Variants in ZNF652 observed in about 807,000 individuals in gnomAD.
ZNF652 encodes the protein zinc finger protein 652.
Under a neutral mutation model 45.2 loss-of-function variants are expected in ZNF652, and 16 were observed. That is an observed-to-expected ratio of 0.35 (90% CI 0.24 to 0.54). ZNF652 has a LOEUF of 0.54. ZNF652 is among the 20% of genes least tolerant of loss of function. The pLI, the probability that ZNF652 is intolerant of heterozygous loss-of-function variation, is 0.91. For synonymous variants in ZNF652, 250 were observed against 260.6 expected, an observed-to-expected ratio of 0.96 and a Z score of 0.39; for missense variants, 614 against 765.6, an observed-to-expected ratio of 0.80 and a Z score of 2.34.
chr17:49,297,527 T>C lies in ZNF652; in HGVS notation c.*886A>G, dbSNP rs1311685420. On this transcript the variant is annotated 3_prime_UTR_variant, in exon 6 of 6. Transcript: ENST00000430262. ...CACATTAGGGAGCCTCTCTTGAGTGTTAAGCAGAGATGTCAAAACTACCAA... is the reference window on the plus strand; with the variant it reads ...CACATTAGGGAGCCTCTCTTGAGTGCTAAGCAGAGATGTCAAAACTACCAA... 6.6e-6 allele frequency: 1 copy of C among 152,556 alleles called. No individual in the cohort carries two copies. Among genetic ancestry groups the C allele is most frequent in the African/African-American group, 2.4e-5 (1 of 41,438 alleles). The allele number at this position is 152,556 out of a possible 1,614,324, so 9.5% of individuals were successfully genotyped here.
At chr17:49,351,860 G>A (rs1216622910) in intron 1 of ZNF652, among the ~76,000 whole-genome samples, 5 of 152,108 alleles carry the variant, frequency 3.3e-5, no homozygotes, top group Non-Finnish European at 7.4e-5. Flanking sequence ...CATGGCACAT[G>A]TCTGTAAGCC....
chr17:49,295,027 T>G lies in ZNF652; in HGVS notation c.*3386A>C, dbSNP rs1023591052. 2 of 152,190 alleles carry G rather than the reference T, an allele frequency of 1.3e-5. No homozygotes were observed. The highest frequency in any genetic ancestry group is 1.3e-4 in the Admixed American group (2 of 15,274). The allele number at this position is 152,190 out of a possible 1,614,324, so 9.4% of individuals were successfully genotyped here. On this transcript the variant is annotated 3_prime_UTR_variant, in exon 6 of 6. Coordinates refer to ENST00000430262, the MANE Select transcript of ZNF652 (RefSeq NM_001145365.3). ...CAACCCTGAGTTTGAGTCTTAAGCA[T>G]GTTAAACGTGTTGCACATATATGTT...
intron 1 of ZNF652, among the ~76,000 whole-genome samples, chr17:49,339,853 C>T (rs1249273701): frequency 6.6e-6 from 1 of 152,222 alleles, no homozygotes; most frequent in African/African-American, 2.4e-5. Context: ...TCTGCCTCAG[C>T]CTCCCGAGTA....
intron 1 of ZNF652, among the ~76,000 whole-genome samples, chr17:49,351,829 G>A (rs2143106224): frequency 6.6e-6 from 1 of 152,040 alleles, no homozygotes; most frequent in South Asian, 2.1e-4. Flanking sequence ...ACAGGAAAAA[G>A]TACAAAAATT....
chr17:49,336,592 G>C (rs920418275), intron 1 of ZNF652, among the ~76,000 whole-genome samples: 2 of 151,306 alleles, frequency 1.3e-5, no homozygotes, highest in Admixed American at 6.6e-5. Context: ...GCCTCCCAAA[G>C]TGCTGGGATT....
At chr17:49,325,814 T>C (rs2069950449) in intron 1 of ZNF652, among the ~76,000 whole-genome samples, 1 of 152,144 alleles carries the variant, frequency 6.6e-6, no homozygotes, top group African/African-American at 2.4e-5. Flanking sequence ...ATGGTTAATT[T>C]TATTTTCTTT....
chr17:49,330,073 A>G (rs752947622), intron 1 of ZNF652, among the ~76,000 whole-genome samples: 3 of 152,218 alleles, frequency 2.0e-5, no homozygotes, highest in Admixed American at 6.5e-5. Context: ...ATAGGAGAAT[A>G]TAACTTGAAG....
At chr17:49,338,199 T>C (rs2143870988) in intron 1 of ZNF652, among the ~76,000 whole-genome samples, 1 of 151,788 alleles carries the variant, frequency 6.6e-6, no homozygotes, top group Non-Finnish European at 1.5e-5. Context: ...TCTGCCCATG[T>C]TGGTCTTAAA....
downstream of ZNF652, among the ~76,000 whole-genome samples, chr17:49,288,154 ACT>A (rs1383495090): frequency 5.9e-5 from 9 of 152,162 alleles, no homozygotes; most frequent in Middle Eastern, 3.4e-3. Flanking sequence ...ATATAAATAA[ACT>A]CATATATATA....
chr17:49,352,831 C>T (rs2070296271), intron 1 of ZNF652, among the ~76,000 whole-genome samples: 1 of 152,184 alleles, frequency 6.6e-6, no homozygotes, highest in Non-Finnish European at 1.5e-5. Context: ...AACCCAAATA[C>T]TTAGAAAAAT....
chr17:49,306,574 A>G (rs906471685), intron 5 of ZNF652, among the ~76,000 whole-genome samples: 2 of 152,188 alleles, frequency 1.3e-5, no homozygotes, highest in African/African-American at 2.4e-5. Flanking sequence ...GACGTGAGTC[A>G]CTGCACCTGG....
intron 5 of ZNF652, among the ~76,000 whole-genome samples, chr17:49,305,379 G>A (rs1251475628): frequency 1.3e-4 from 19 of 151,876 alleles, no homozygotes; most frequent in Middle Eastern, 3.4e-3. Flanking sequence ...CCTGGGAGGC[G>A]GAGGTTGCAG....
chr17:49,347,151 A>G (rs2070213265), intron 1 of ZNF652, among the ~76,000 whole-genome samples: 1 of 152,242 alleles, frequency 6.6e-6, no homozygotes, highest in Non-Finnish European at 1.5e-5. Flanking sequence ...TTTTGAAAAC[A>G]GATAAATGAA....
rs939747326 is a variant in ZNF652, at chr17:49,311,951, A to G, written c.1140T>C (p.Ser380=). 3 of 1,613,532 alleles carry G rather than the reference A, an allele frequency of 1.9e-6. No individual in the cohort carries two copies. Among genetic ancestry groups the G allele is most frequent in the Non-Finnish European group, 2.5e-6 (3 of 1,179,692 alleles). The change falls in exon 4 of 6, where the codon TCT becomes TCC. Residue 380 remains serine (S), a synonymous_variant. Transcript: ENST00000430262. ...MSLKVHSLQH[S]GEKPFRCENC... ...CCTCGCATCTAAAGGGCTTCTCTCC[A>G]GAATGCTGCAAGGAGTGCACCTTGA...
At chr17:49,322,810 G>A (rs1162898265) in intron 1 of ZNF652, among the ~76,000 whole-genome samples, 3 of 152,168 alleles carry the variant, frequency 2.0e-5, no homozygotes, top group Non-Finnish European at 4.4e-5. Context: ...GCGTGAACCT[G>A]GGAGGCGGAG....
chr17:49,351,577 A>G, intron 1 of ZNF652, among the ~76,000 whole-genome samples: 1 of 152,160 alleles, frequency 6.6e-6, no homozygotes, highest in East Asian at 1.9e-4. Context: ...AAAACCACGG[A>G]CATACATATA....
At position 49,296,138 on chromosome 17, in the gene ZNF652, G is replaced by A. The variant is rs1322049499; in HGVS notation, c.*2275C>T. On this transcript the variant is annotated 3_prime_UTR_variant, in exon 6 of 6. Coordinates refer to ENST00000430262, the MANE Select transcript of ZNF652 (RefSeq NM_001145365.3). ...GAGGGAGAGGGAGACAACCACTAAA[G>A]ATATAACAGTCATATGCAAGGAATT... The A allele has an allele frequency of 6.6e-6, 1 of 152,230 alleles. No individual in the cohort carries two copies. The highest frequency in any genetic ancestry group is 1.5e-5 in the Non-Finnish European group (1 of 68,008). The allele number at this position is 152,230 out of a possible 1,614,324, so 9.4% of individuals were successfully genotyped here.
In ZNF652 at chr17:49,298,457, G is replaced by C; in HGVS notation, c.1777C>G (p.Leu593Val). Residue 593 changes from leucine to valine, a missense_variant, in exon 6 of 6, where the codon CTG (leucine) becomes GTG (valine). By Grantham distance (32) the Leu-to-Val change is conservative. This residue lies in a region of ZNF652 where 132 missense variants were observed against 137.2 expected (regional missense o/e 0.96). Coordinates refer to ENST00000430262, the MANE Select transcript of ZNF652 (RefSeq NM_001145365.3). Reference protein sequence around the residue: ...NHRGQSEDNFLRHLAEKNSSA... With the variant: ...NHRGQSEDNFVRHLAEKNSSA... ...CTGTTCTTCTCTGCCAGGTGCCGCA[G>C]AAAGTTGTCCTCACTCTGGCCTCTA... 1 of 1,613,044 alleles carries C rather than the reference G, an allele frequency of 6.2e-7. No homozygotes were observed. The highest frequency in any genetic ancestry group is 8.5e-7 in the Non-Finnish European group (1 of 1,180,036).
At chr17:49,313,824 T>A (rs1024084405) in intron 2 of ZNF652, among the ~76,000 whole-genome samples, 1 of 150,602 alleles carries the variant, frequency 6.6e-6, no homozygotes, top group Non-Finnish European at 1.5e-5. Context: ...AATAAAAAAA[T>A]TAGCCGGGCG....
Sources: allele counts gnomAD v4.1 joint callset (sites outside exome capture counted in the v4.1 genomes callset), GRCh38; gene constraint gnomAD v4.1.1; regional missense constraint gnomAD v4.1.1; transcripts MANE v1.5; gene names NCBI Gene and HGNC (gene_info 2026-07-23, HGNC 2026-07-21).